The following CAB39L variants were observed in gnomAD, a reference collection of about 807,000 sequenced individuals.
CAB39L encodes the protein calcium binding protein 39 like.
In CAB39L, 23 loss-of-function variants were observed where a neutral mutation model predicts 39.1. The ratio of observed to expected loss-of-function variants is 0.59; its 90% CI spans 0.42 to 0.83. The LOEUF (loss-of-function observed/expected upper bound fraction) is 0.83. CAB39L is among the 40% of genes least tolerant of loss of function. The pLI is 0.00. For missense variants in CAB39L, 366 were observed against 391.9 expected, an observed-to-expected ratio of 0.93 and a Z score of 0.56; for synonymous variants, 126 against 137.2, an observed-to-expected ratio of 0.92 and a Z score of 0.57.
intron 3 of CAB39L, among the ~76,000 whole-genome samples, chr13:49,389,561 A>C (rs2138615696): frequency 6.6e-6 from 1 of 152,270 alleles, no homozygotes; most frequent in South Asian, 2.1e-4. Flanking sequence ...GAATCGCTTG[A>C]ACCCAGGGGG....
intron 3 of CAB39L, among the ~76,000 whole-genome samples, chr13:49,405,052 G>T (rs993263846): frequency 2.6e-5 from 4 of 152,154 alleles, no homozygotes; most frequent in African/African-American, 9.6e-5. Flanking sequence ...TGTAGAGAAA[G>T]ATATCAATAT....
At chr13:49,429,495 A>G (rs1392700706) in intron 3 of CAB39L, among the ~76,000 whole-genome samples, 1 of 152,224 alleles carries the variant, frequency 6.6e-6, no homozygotes, top group African/African-American at 2.4e-5. Context: ...AGTCAATCCT[A>G]TCAAAATATT....
At chr13:49,316,556 A>C (rs74684445) in intron 10 of CAB39L, among the ~76,000 whole-genome samples, 4,966 of 152,292 alleles carry the variant, frequency 0.033, 270 homozygotes, top group African/African-American at 0.11. Flanking sequence ...ATGAATAAAA[A>C]TGCAAAAAAT....
chr13:49,361,485 A>G (rs1955628806), intron 5 of CAB39L, among the ~76,000 whole-genome samples: 1 of 149,814 alleles, frequency 6.7e-6, no homozygotes, highest in Non-Finnish European at 1.5e-5. Context: ...CTCAAAAAAA[A>G]AAAAAAAAAA....
chr13:49,421,451 A>G (rs1267783605), intron 3 of CAB39L, among the ~76,000 whole-genome samples: 1 of 152,142 alleles, frequency 6.6e-6, no homozygotes, highest in East Asian at 1.9e-4. Context: ...ATCCCCCTTG[A>G]GCATGATCTA....
At chr13:49,370,375 GCTT>G (rs1365692962) in intron 5 of CAB39L, among the ~76,000 whole-genome samples, 1 of 152,106 alleles carries the variant, frequency 6.6e-6, no homozygotes, top group Non-Finnish European at 1.5e-5. Flanking sequence ...CTGCAGGCTG[GCTT>G]CTTCTGTTTC....
intron 3 of CAB39L, 61 bp downstream of exon 3, chr13:49,433,257 C>T (rs7998660): frequency 0.76 from 288,997 of 381,344 alleles, 110,946 homozygotes; most frequent in African/African-American, 0.93. Context: ...GTATGTTGAG[C>T]ATAGTCTACA....
At chr13:49,361,561 A>AAAAG (rs60755841) in intron 5 of CAB39L, among the ~76,000 whole-genome samples, 27,832 of 121,886 alleles carry the variant, frequency 0.23, 2,895 homozygotes, top group Middle Eastern at 0.33. Context: ...AAAGAGAAAG[A>AAAAG]AAAGAAAGAA....
chr13:49,350,973 G>T, intron 6 of CAB39L, 61 bp from the exon 7 acceptor site: 1 of 1,283,732 alleles, frequency 7.8e-7, no homozygotes, highest in Non-Finnish European at 1.1e-6. Context: ...AATATTAATG[G>T]CATCAAAAGA....
chr13:49,397,383 T>C (rs1956664858), intron 3 of CAB39L, among the ~76,000 whole-genome samples: 1 of 152,150 alleles, frequency 6.6e-6, no homozygotes, highest in African/African-American at 2.4e-5. Context: ...GGAAAAGTTG[T>C]GAGGAGCTTT....
intron 5 of CAB39L, among the ~76,000 whole-genome samples, chr13:49,373,339 C>T (rs1955971756): frequency 6.6e-6 from 1 of 152,158 alleles, no homozygotes; most frequent in African/African-American, 2.4e-5. Context: ...AACAAAAAAG[C>T]CAATCAAGGT....
chr13:49,386,071 TG>T (rs1297930304), intron 3 of CAB39L, among the ~76,000 whole-genome samples: 1 of 152,136 alleles, frequency 6.6e-6, no homozygotes, highest in Non-Finnish European at 1.5e-5. Flanking sequence ...CTGTAATTGC[TG>T]TCTTTCTCCC....
At chr13:49,443,869 T>A (rs1179767217) in intron 1 of CAB39L, 117 bp downstream of exon 1, 1 of 452,704 alleles carries the variant, frequency 2.2e-6, no homozygotes, top group Non-Finnish European at 4.4e-6. Context: ...CCCTTAGGCC[T>A]CTCCTTTACC....
chr13:49,325,457 T>C (rs2138368438), intron 10 of CAB39L, among the ~76,000 whole-genome samples: 1 of 152,296 alleles, frequency 6.6e-6, no homozygotes. Context: ...ACGGTTAGAT[T>C]TGGTACACCA....
At position 49,362,833 on chromosome 13, in the gene CAB39L, A is replaced by C. The variant is rs141074457; in HGVS notation, c.277-3001T>G. ...AAACTCCCAACATCAAAGAAAAAAA[A>C]ATCCTAAAAGCAGCAGGTGAAAAGA... On this transcript the variant is annotated intron_variant, in intron 5 of 10. Coordinates refer to ENST00000409308, the MANE Select transcript of CAB39L (RefSeq NM_001079670.3). Among the ~76,000 whole-genome samples, 635 of 152,280 alleles carry C rather than the reference A, an allele frequency of 4.2e-3. 2 individuals carry two copies. Among genetic ancestry groups the C allele is most frequent in the African/African-American group, 9.6e-3 (397 of 41,556 alleles).
chr13:49,367,572 A>G (rs762174883), intron 5 of CAB39L, among the ~76,000 whole-genome samples: 1 of 152,222 alleles, frequency 6.6e-6, no homozygotes, highest in Non-Finnish European at 1.5e-5. Flanking sequence ...TGAATCTTCA[A>G]TTTAAAAGAA....
chr13:49,383,995 C>T (rs953305601), intron 3 of CAB39L, among the ~76,000 whole-genome samples: 4 of 152,016 alleles, frequency 2.6e-5, no homozygotes, highest in East Asian at 1.9e-4. Flanking sequence ...GTAGCTGTGG[C>T]GATTTCTTAA....
intron 7 of CAB39L, among the ~76,000 whole-genome samples, chr13:49,346,100 G>GATAGATATATATATATAT (rs1955155415): frequency 1.6e-4 from 5 of 30,946 alleles, no homozygotes; most frequent in Non-Finnish European, 2.3e-4. Flanking sequence ...ATATATGCTA[G>GATAGATATATATATATAT]ATATATATAT....
chr13:49,375,932 G>A (rs969867028), intron 5 of CAB39L, among the ~76,000 whole-genome samples: 10 of 152,148 alleles, frequency 6.6e-5, no homozygotes, highest in African/African-American at 1.2e-4. Flanking sequence ...TGGGCCCTTC[G>A]GGGTCCCCAC....
Sources: gnomAD v4.1 joint callset for allele counts (sites outside exome capture counted in the v4.1 genomes callset) on GRCh38, gnomAD v4.1.1 for gene constraint, MANE v1.5 for transcripts, NCBI Gene and HGNC (gene_info 2026-07-23, HGNC 2026-07-21) for gene names.